CHSY3: variants seen among roughly 807,000 people sequenced by gnomAD.
CHSY3 encodes N-acetylgalactosaminyl-proteoglycan 3-beta-glucuronosyltransferase 3.
Under a neutral mutation model 67.2 loss-of-function variants are expected in CHSY3, and 35 were observed. The observed-to-expected ratio is 0.52, with a 90% CI of 0.40 to 0.69. The LOEUF is 0.69. Ranked by LOEUF, CHSY3 falls within the 30% of genes least tolerant of loss-of-function variation. The pLI is 0.00. For missense variants in CHSY3, 1,069 were observed against 1,138.5 expected (o/e 0.94, Z 0.88); for synonymous variants, 474 against 434.7 (o/e 1.09, Z -1.12).
chr5:130,002,018 C>A, intron 2 of CHSY3: 1 of 875,380 alleles, frequency 1.1e-6, no homozygotes, highest in Non-Finnish European at 1.4e-6. Flanking sequence ...TCTCTAAGTC[C>A]TTTTTCTGTG....
At chr5:130,171,164 A>C (rs887599183) in intron 2 of CHSY3, among the ~76,000 whole-genome samples, 54 of 152,330 alleles carry the variant, frequency 3.5e-4, no homozygotes, top group African/African-American at 1.3e-3. Flanking sequence ...ATTTTTAAAA[A>C]GTATACAGAG....
At chr5:129,990,377 A>ACTGTGTGTGT (rs1554075035) in intron 2 of CHSY3, among the ~76,000 whole-genome samples, 1 of 147,476 alleles carries the variant, frequency 6.8e-6, no homozygotes, top group African/African-American at 2.5e-5. Context: ...TGAGTGAGTG[A>ACTGTGTGTGT]GTGTGTGTGT....
At chr5:129,985,977 G>A (rs942978291) in intron 2 of CHSY3, among the ~76,000 whole-genome samples, 3 of 151,988 alleles carry the variant, frequency 2.0e-5, no homozygotes, top group African/African-American at 7.2e-5. Flanking sequence ...TATCTGCGAA[G>A]AGAGATGGTT....
chr5:130,162,233 A>G (rs1041025251), intron 2 of CHSY3, among the ~76,000 whole-genome samples: 2 of 152,100 alleles, frequency 1.3e-5, no homozygotes, highest in African/African-American at 2.4e-5. Context: ...ACTTAACCAG[A>G]GATCCATTTG....
rs1237476274 is a variant in CHSY3 at position 130,175,913 on chromosome 5, A to G, written c.1087-8316A>G. ...CCATAGAAACCCTAGAAGAAAACCTAGGCCATACCATTCAGGACATAGGCA... is the reference window on the plus strand; with the variant it reads ...CCATAGAAACCCTAGAAGAAAACCTGGGCCATACCATTCAGGACATAGGCA... On this transcript the variant is annotated intron_variant, in intron 2 of 2. Transcript: ENST00000305031. Among the ~76,000 whole-genome samples the G allele has an allele frequency of 2.6e-5, 4 of 152,338 alleles. No individual in the cohort carries two copies. In the East Asian group the frequency reaches 7.7e-4, roughly 29 times the overall value.
chr5:129,905,792 A>G, intron 1 of CHSY3, 161 bp downstream of exon 1: 1 of 1,266,148 alleles, frequency 7.9e-7, no homozygotes, highest in Non-Finnish European at 1.0e-6. Context: ...GCATCCGCCC[A>G]CAATTCGTAG....
intron 2 of CHSY3, among the ~76,000 whole-genome samples, chr5:130,144,345 C>T (rs1769008210): frequency 6.6e-6 from 1 of 151,636 alleles, no homozygotes; most frequent in Non-Finnish European, 1.5e-5. Flanking sequence ...AATCAACACA[C>T]AAAAATCAGT....
rs578231003 is a variant in CHSY3, at chr5:130,154,159, C to T, written c.1087-30070C>T. On this transcript the variant is annotated intron_variant, in intron 2 of 2. Coordinates refer to ENST00000305031, the MANE Select transcript of CHSY3 (RefSeq NM_175856.5). ...CTTGAACTCCTGACCTCAGGTGATC[C>T]ACCCACCTCAGCCTCCCAAAGTGCT... 3.9e-5 allele frequency among the ~76,000 whole-genome samples: 6 copies of T among 152,224 alleles called. No individual in the cohort carries two copies. In the East Asian group the frequency reaches 1.2e-3, roughly 29 times the overall value.
intron 2 of CHSY3, among the ~76,000 whole-genome samples, chr5:130,110,026 G>C (rs947177109): frequency 1.3e-5 from 2 of 151,878 alleles, no homozygotes; most frequent in East Asian, 1.9e-4. Context: ...AGGCTTATAA[G>C]TACTGGAAAT....
chr5:129,930,963 T>C (rs1761288830), intron 2 of CHSY3, among the ~76,000 whole-genome samples: 1 of 152,174 alleles, frequency 6.6e-6, no homozygotes, highest in Non-Finnish European at 1.5e-5. Flanking sequence ...CATCAGTCTT[T>C]CCATTTCAGT....
intron 2 of CHSY3, among the ~76,000 whole-genome samples, chr5:130,062,347 G>T (rs1765742023): frequency 6.6e-6 from 1 of 151,992 alleles, no homozygotes; most frequent in Admixed American, 6.6e-5. Context: ...GCTAAACAGT[G>T]GGCACACATG....
rs770995422 is a variant in CHSY3, at chr5:129,905,376, T to A, written c.547T>A (p.Tyr183Asn). Residue 183 changes from tyrosine (Y) to asparagine (N), a missense_variant, in exon 1 of 3, where the codon TAC becomes AAC. By Grantham distance (143) the Tyr-to-Asn change is moderately radical. Coordinates refer to ENST00000305031, the MANE Select transcript of CHSY3 (RefSeq NM_175856.5). ...CGTGGGGGTGATGACCGCGCAGAAG[T>A]ACCTGGGCAGCCGCGCGCTGGCCGC... ...LYVGVMTAQK[Y>N]LGSRALAAQR... 1 of 1,592,812 alleles carries A rather than the reference T, an allele frequency of 6.3e-7. No homozygotes were observed. Among genetic ancestry groups the A allele is most frequent in the East Asian group, 2.3e-5 (1 of 44,362 alleles).
intron 2 of CHSY3, among the ~76,000 whole-genome samples, chr5:130,111,991 T>C (rs1170408681): frequency 6.6e-6 from 1 of 152,072 alleles, no homozygotes; most frequent in African/African-American, 2.4e-5. Flanking sequence ...CAGAAAAGAA[T>C]TGGATTAAAC....
intron 2 of CHSY3, among the ~76,000 whole-genome samples, chr5:129,947,980 T>C (rs926496701): frequency 1.3e-5 from 2 of 152,196 alleles, no homozygotes; most frequent in Non-Finnish European, 2.9e-5. Flanking sequence ...TATTCAGCTA[T>C]GTATGTTTCT....
chr5:129,919,154 A>AT (rs1760835945), intron 2 of CHSY3, among the ~76,000 whole-genome samples: 1 of 150,590 alleles, frequency 6.6e-6, no homozygotes, highest in South Asian at 2.1e-4. Context: ...CTGCTAATAT[A>AT]TTTTTTTAGA....
At chr5:129,920,076 T>C (rs192465918) in intron 2 of CHSY3, among the ~76,000 whole-genome samples, 1 of 152,310 alleles carries the variant, frequency 6.6e-6, no homozygotes, top group Admixed American at 6.5e-5. Context: ...TAATTGAGGC[T>C]TTTTAATCTT....
At chr5:129,921,083 GT>G (rs1760908066) in intron 2 of CHSY3, among the ~76,000 whole-genome samples, 1 of 152,196 alleles carries the variant, frequency 6.6e-6, no homozygotes, top group East Asian at 1.9e-4. Context: ...GCTTCCCAAA[GT>G]GTTAAGATTA....
At chr5:130,026,731 G>C (rs976876194) in intron 2 of CHSY3, among the ~76,000 whole-genome samples, 15 of 151,956 alleles carry the variant, frequency 9.9e-5, no homozygotes, top group Non-Finnish European at 2.1e-4. Context: ...ATAAAAATTT[G>C]CCTTCCTTCT....
At chr5:129,955,092 C>A (rs1762134049) in intron 2 of CHSY3, among the ~76,000 whole-genome samples, 1 of 152,148 alleles carries the variant, frequency 6.6e-6, no homozygotes, top group Admixed American at 6.6e-5. Context: ...TGGTCTCAGT[C>A]TCCTGACCTT....
Sources: gnomAD v4.1 joint callset for allele counts (sites outside exome capture counted in the v4.1 genomes callset) on GRCh38, gnomAD v4.1.1 for gene constraint, MANE v1.5 for transcripts, NCBI Gene and HGNC (gene_info 2026-07-23, HGNC 2026-07-21) for gene names.